The following GSE1 variants were observed in gnomAD, a reference collection of about 807,000 sequenced individuals.
The protein encoded by GSE1 is genetic suppressor element 1.
Under a neutral mutation model 112.6 loss-of-function variants are expected in GSE1, and 32 were observed. The ratio of observed to expected loss-of-function variants is 0.28; its 90% confidence interval spans 0.21 to 0.38. GSE1 has a LOEUF of 0.38. Among genes scored for constraint, GSE1 ranks in the 10% least tolerant of loss-of-function variants. GSE1 has a pLI of 1.00. For synonymous variants in GSE1, 1,115 were observed against 735.6 expected (o/e 1.52, Z -8.35); for missense variants, 2,348 against 1,699.2 (o/e 1.38, Z -6.71).
intron 2 of GSE1, among the ~76,000 whole-genome samples, chr16:85,425,432 G>A (rs534954549): frequency 1.1e-4 from 16 of 152,178 alleles, no homozygotes; most frequent in Non-Finnish European, 1.6e-4. Flanking sequence ...GTGTGCTGCC[G>A]GGCTGGAGCT....
exon 1 of GSE1, chr16:85,169,648 G>C (rs1171711705): frequency 3.0e-6 from 3 of 983,666 alleles, no homozygotes; most frequent in Non-Finnish European, 3.6e-6. Context: ...GCGCGGCAAG[G>C]AGCTGAAGCT....
At position 85,378,598 on chromosome 16, in the gene GSE1, G is replaced by T. The variant is rs951761649; in HGVS notation, c.2464+20955G>T. ...AGGGCAGCCCTGCTTGGCGCCCTTC[G>T]TGCTGATTGATTTTTTGAATCCTCC... On this transcript the variant is annotated intron_variant, in intron 2 of 2. Coordinates refer to the GSE1 transcript ENST00000637419. Among the ~76,000 whole-genome samples the T allele has an allele frequency of 3.9e-5, 6 of 152,312 alleles. No individual in the cohort carries two copies. In the East Asian group the frequency reaches 9.7e-4, roughly 25 times the overall value.
chr16:85,227,078 C>G (rs551490421), intron 1 of GSE1, among the ~76,000 whole-genome samples: 1 of 152,062 alleles, frequency 6.6e-6, no homozygotes, highest in South Asian at 2.1e-4. Context: ...TACCCATTAC[C>G]CATCTTTCCT....
intron 1 of GSE1, among the ~76,000 whole-genome samples, chr16:85,347,145 C>T (rs186234702): frequency 4.0e-5 from 6 of 151,188 alleles, no homozygotes; most frequent in Admixed American, 2.6e-4. Flanking sequence ...CAGGTCTAGC[C>T]GGAGGCTCTC....
In GSE1 at chr16:85,381,037, C is replaced by T. The variant is rs188829928; in HGVS notation, c.2464+23394C>T. Among the ~76,000 whole-genome samples the T allele has an allele frequency of 2.8e-4, 43 of 152,342 alleles. No homozygotes were observed. In the East Asian group the frequency reaches 7.3e-3, roughly 26 times the overall value. Reference sequence around the variant, plus strand: ...TCACAGTGCTGTGCAAACACCACCTCCGTCCAGTGCAAAAACATTTCGTCA... The same window carrying T: ...TCACAGTGCTGTGCAAACACCACCTTCGTCCAGTGCAAAAACATTTCGTCA... On this transcript the variant is annotated intron_variant, in intron 2 of 2. Transcript: ENST00000637419.
At chr16:85,639,715 T>G (rs2050287768) in intron 2 of GSE1, among the ~76,000 whole-genome samples, 2 of 152,226 alleles carry the variant, frequency 1.3e-5, no homozygotes, top group Admixed American at 6.5e-5. Flanking sequence ...GCCTGCCCAG[T>G]GTCTCTGCAG....
intron 2 of GSE1, among the ~76,000 whole-genome samples, chr16:85,501,063 C>T (rs892090332): frequency 1.6e-4 from 21 of 131,306 alleles, no homozygotes; most frequent in African/African-American, 5.2e-4. Context: ...TGGAGTGGCA[C>T]GATCTCGGCT....
At position 85,397,628 on chromosome 16, in the gene GSE1, T is replaced by C. The variant is rs368377147; in HGVS notation, c.2464+39985T>C. Among the ~76,000 whole-genome samples the C allele has an allele frequency of 3.9e-3, 588 of 152,324 alleles. 4 individuals carry two copies. The highest frequency in any genetic ancestry group is 0.02 in the Middle Eastern group (6 of 294). On this transcript the variant is annotated intron_variant, in intron 2 of 2. Transcript: ENST00000637419. Reference sequence around the variant, plus strand: ...GGAGCCTTCGGGTTCTGACTCAGCCTGGGGCCTCCCCGGAGCACCAGGGTG... The same window carrying C: ...GGAGCCTTCGGGTTCTGACTCAGCCCGGGGCCTCCCCGGAGCACCAGGGTG...
intron 2 of GSE1, among the ~76,000 whole-genome samples, chr16:85,408,932 T>C (rs535732622): frequency 1.5e-3 from 6 of 3,882 alleles, no homozygotes; most frequent in Non-Finnish European, 3.4e-3. Flanking sequence ...TAATCCTCAC[T>C]GTTACACTCA....
chr16:85,652,770 C>T (rs966436122), intron 3 of GSE1, among the ~76,000 whole-genome samples: 13 of 152,282 alleles, frequency 8.5e-5, no homozygotes, highest in Middle Eastern at 6.8e-3. Flanking sequence ...TGCTTCTCCA[C>T]GGTGGGGCAG....
At chr16:85,458,175 C>T (rs2049882938) in intron 2 of GSE1, among the ~76,000 whole-genome samples, 1 of 152,198 alleles carries the variant, frequency 6.6e-6, no homozygotes, top group Non-Finnish European at 1.5e-5. Flanking sequence ...TGGAAGTGGG[C>T]CAGCCATTTC....
chr16:85,556,629 G>GC (rs2045229654), intron 1 of GSE1, among the ~76,000 whole-genome samples: 1 of 150,762 alleles, frequency 6.6e-6, no homozygotes, highest in Non-Finnish European at 1.5e-5. Context: ...CCTTTTGTCT[G>GC]CCGGGAGCCG....
intron 1 of GSE1, among the ~76,000 whole-genome samples, chr16:85,581,606 G>A (rs1022091386): frequency 3.3e-5 from 5 of 152,180 alleles, no homozygotes; most frequent in South Asian, 2.1e-4. Context: ...TTCAGCATGC[G>A]TCTCTGTGCA....
chr16:85,346,526 TGGGTGGATGATAGGC>T (rs1467106863), intron 1 of GSE1, among the ~76,000 whole-genome samples: 7 of 148,370 alleles, frequency 4.7e-5, no homozygotes, highest in Non-Finnish European at 7.4e-5. Flanking sequence ...GGATGGTGGA[TGGGTGGATGATAGGC>T]GGGTGGATGG....
At position 85,656,597 on chromosome 16, in the gene GSE1, A is replaced by T; in HGVS notation, c.1244A>T (p.His415Leu). Residue 415 changes from histidine to leucine, a missense_variant, in exon 7 of 16, where the codon CAT (histidine) becomes CTT (leucine). By Grantham distance (99) the His-to-Leu change is moderately conservative (BLOSUM62 -3). Transcript: ENST00000253458. ...EPSFLPVAEL[H>L]GLRGHATEER... The stretch of plus-strand genomic sequence containing the variant: ...AGCTTCCTGCCCGTGGCCGAGCTGC[A>T]TGGGCTGCGTGGCCATGCCACTGAG... 1 of 1,546,716 alleles carries T rather than the reference A, an allele frequency of 6.5e-7. No individual in the cohort carries two copies. Among genetic ancestry groups the T allele is most frequent in the Non-Finnish European group, 8.7e-7 (1 of 1,145,400 alleles).
chr16:85,625,262 C>G (rs757871556), intron 1 of GSE1, among the ~76,000 whole-genome samples: 1 of 152,236 alleles, frequency 6.6e-6, no homozygotes, highest in South Asian at 2.1e-4. Context: ...TTAGGATAAT[C>G]GCGTCAAATG....
chr16:85,634,970 C>T (rs976218956), intron 2 of GSE1, among the ~76,000 whole-genome samples: 2 of 152,050 alleles, frequency 1.3e-5, no homozygotes, highest in South Asian at 2.1e-4. Flanking sequence ...CTGAGGAAAC[C>T]GGGACCCCAG....
intron 1 of GSE1, among the ~76,000 whole-genome samples, chr16:85,263,604 A>C (rs1024576633): frequency 6.7e-6 from 1 of 150,128 alleles, no homozygotes. Context: ...ATGGAGTCTC[A>C]GTTTGTCGCC....
intron 1 of GSE1, among the ~76,000 whole-genome samples, chr16:85,305,955 G>A (rs1187991124): frequency 6.6e-6 from 1 of 152,136 alleles, no homozygotes; most frequent in East Asian, 1.9e-4. Context: ...CCGGATGGTA[G>A]TGGTGCGTGC....
Sources: gnomAD v4.1 joint callset for allele counts (sites outside exome capture counted in the v4.1 genomes callset) on GRCh38, gnomAD v4.1.1 for gene constraint, MANE v1.5 for transcripts, NCBI Gene and HGNC (gene_info 2026-07-23, HGNC 2026-07-21) for gene names.